Variants in SYPL2 observed in about 807,000 individuals in gnomAD.
SYPL2 encodes the protein synaptophysin like 2, also known as synaptophysin-like protein 2.
Under a neutral mutation model 31.3 loss-of-function variants are expected in SYPL2, and 24 were observed. The observed-to-expected ratio is 0.77, with a 90% CI of 0.56 to 1.08. The LOEUF is 1.08. Among genes scored for constraint, SYPL2 ranks in the 50% least tolerant of loss-of-function variants. SYPL2 has a pLI of 0.00. For synonymous variants in SYPL2, 144 were observed against 143.1 expected (o/e 1.01, Z -0.05); for missense variants, 342 against 360.1 (o/e 0.95, Z 0.41).
intron 2 of SYPL2, among the ~76,000 whole-genome samples, chr1:109,475,011 G>A (rs1655951901): frequency 6.6e-6 from 1 of 152,236 alleles, no homozygotes; most frequent in African/African-American, 2.4e-5. Flanking sequence ...TGGCCCATCT[G>A]GGGTGGCTTG....
chr1:109,474,352 G>T (rs1245507779), intron 2 of SYPL2, among the ~76,000 whole-genome samples: 1 of 144,824 alleles, frequency 6.9e-6, no homozygotes, highest in African/African-American at 2.6e-5. Flanking sequence ...GCGGTGGGCG[G>T]GAGAGGGACA....
At chr1:109,466,985 A>G in intron 1 of SYPL2, 74 bp from the exon 2 acceptor site, 2 of 1,536,460 alleles carry the variant, frequency 1.3e-6, no homozygotes. Context: ...ACCGCGTGTG[A>G]GTGGGGCAAG....
Position 109,466,903 on chromosome 1 carries a change from C to G in SYPL2, c.54+6C>G. 1 of 1,530,608 alleles carries G rather than the reference C, an allele frequency of 6.5e-7. No individual in the cohort carries two copies. The highest frequency in any genetic ancestry group is 1.7e-4 in the Middle Eastern group (1 of 5,960). 94.8% of individuals were successfully genotyped at this position (1,530,608 alleles called of 1,614,324 possible). ...ACAAGTCGCCGCGCCAGCAGGTAGT[C>G]CCTGCGCGCCCAGGACTCTCACCCG... On this transcript the variant is annotated splice_donor_region_variant and intron_variant, in intron 1 of 5. Coordinates refer to ENST00000369872, the MANE Select transcript of SYPL2 (RefSeq NM_001040709.2).
In SYPL2 at chr1:109,479,536, G is replaced by A; in HGVS notation, c.807G>A (p.Val269=). 6.2e-7 allele frequency: 1 copy of A among 1,613,428 alleles called. No individual in the cohort carries two copies. Residue 269 remains valine (V), a synonymous_variant, in exon 6 of 6, where the codon GTG becomes GTA. Transcript: ENST00000369872. ...SQESAAEQGA[V]EKQ Reference sequence around the variant, plus strand: ...AGAGTGCAGCTGAGCAGGGAGCAGTGGAGAAGCAGTAAGCAGCCCCCCACC... The same window carrying A: ...AGAGTGCAGCTGAGCAGGGAGCAGTAGAGAAGCAGTAAGCAGCCCCCCACC...
chr1:109,471,872 A>T (rs1389101863), intron 2 of SYPL2, among the ~76,000 whole-genome samples: 1 of 148,948 alleles, frequency 6.7e-6, no homozygotes, highest in African/African-American at 2.5e-5. Context: ...ATGCCCGACT[A>T]CTTTTTTTTT....
At position 109,479,692 on chromosome 1, in the gene SYPL2, C is replaced by A; in HGVS notation, c.*144C>A. On this transcript the variant is annotated 3_prime_UTR_variant, in exon 6 of 6. Coordinates refer to ENST00000369872, the MANE Select transcript of SYPL2 (RefSeq NM_001040709.2). ...CTTTGAGACGATGGGCAGGCATCAG[C>A]TGTTGGAAACCTGGGCAGCCCTCTC... 7.5e-7 allele frequency: 1 copy of A among 1,333,744 alleles called. No individual in the cohort carries two copies. Among genetic ancestry groups the A allele is most frequent in the Admixed American group, 2.4e-5 (1 of 41,762 alleles). The allele number at this position is 1,333,744 out of a possible 1,614,324, so 82.6% of individuals were successfully genotyped here.
chr1:109,481,375 C>G lies in SYPL2; in HGVS notation c.*1827C>G, dbSNP rs1449954925. The G allele has an allele frequency of 6.6e-6, 1 of 152,578 alleles. No homozygotes were observed. The highest frequency in any genetic ancestry group is 1.5e-5 in the Non-Finnish European group (1 of 68,040). 9.5% of individuals were successfully genotyped at this position (152,578 alleles called of 1,614,324 possible). A position where few individuals can be genotyped will look rare whatever the true frequency, so the allele number is the denominator to read the frequency against. On this transcript the variant is annotated 3_prime_UTR_variant, in exon 6 of 6. Coordinates refer to ENST00000369872, the MANE Select transcript of SYPL2 (RefSeq NM_001040709.2). ...ATGGTTACTCAAGGACAAGGGGGGA[C>G]AGTTTTGCCTACAGCTCCAGAGACA...
Position 109,479,593 on chromosome 1 carries a change from A to G in SYPL2, c.*45A>G, listed in dbSNP as rs1656107239. ...TTCCCGAACTGGACAGCACCTCTTC[A>G]ACCACCTCCGGCTTCCAGGACCTTT... is the stretch of plus-strand genomic sequence containing the variant. On this transcript the variant is annotated 3_prime_UTR_variant, in exon 6 of 6. Transcript: ENST00000369872. 1.3e-6 allele frequency: 2 copies of G among 1,587,702 alleles called. No individual in the cohort carries two copies. The highest frequency in any genetic ancestry group is 2.3e-5 in the East Asian group (1 of 44,218).
intron 2 of SYPL2, among the ~76,000 whole-genome samples, chr1:109,470,125 C>A (rs531040423): frequency 6.6e-6 from 1 of 152,140 alleles, no homozygotes; most frequent in Non-Finnish European, 1.5e-5. Context: ...GTATCTGGGA[C>A]CAAAGGCACA....
intron 2 of SYPL2, among the ~76,000 whole-genome samples, chr1:109,467,638 C>G (rs781255283): frequency 1.9e-4 from 29 of 152,056 alleles, no homozygotes; most frequent in Non-Finnish European, 3.4e-4. Context: ...CTCGGCTCGC[C>G]GTTCCCTTTT....
chr1:109,474,428 C>G lies in SYPL2; in HGVS notation c.130-1153C>G, dbSNP rs1177996532. Among the ~76,000 whole-genome samples, 3 of 151,076 alleles carry G rather than the reference C, an allele frequency of 2.0e-5. No individual in the cohort carries two copies. In the East Asian group the frequency reaches 5.8e-4, roughly 29 times the overall value. ...TCTCGGCTCACTGCAACCTCCGCCTCCCGGGTTCAAGTGATTCTCCTGCCT... is the reference window on the plus strand; with the variant it reads ...TCTCGGCTCACTGCAACCTCCGCCTGCCGGGTTCAAGTGATTCTCCTGCCT... On this transcript the variant is annotated intron_variant, in intron 2 of 5. Transcript: ENST00000369872.
rs1656124660 is a variant in SYPL2 at position 109,480,245 on chromosome 1, G to C, written c.*697G>C. Reference sequence around the variant, plus strand: ...GCAACTGAGTTGCAGCTTCAAGAAAGTAAAGCCAGTAAGCTTGCTGGCAGA... The same window carrying C: ...GCAACTGAGTTGCAGCTTCAAGAAACTAAAGCCAGTAAGCTTGCTGGCAGA... On this transcript the variant is annotated 3_prime_UTR_variant, in exon 6 of 6. Coordinates refer to ENST00000369872, the MANE Select transcript of SYPL2 (RefSeq NM_001040709.2). 2 of 152,182 alleles carry C rather than the reference G, an allele frequency of 1.3e-5. No individual in the cohort carries two copies. The highest frequency in any genetic ancestry group is 2.9e-5 in the Non-Finnish European group (2 of 68,040). 9.4% of individuals were successfully genotyped at this position (152,182 alleles called of 1,614,324 possible).
At position 109,478,164 on chromosome 1, in the gene SYPL2, C is replaced by G; in HGVS notation, c.648+155C>G. The stretch of plus-strand genomic sequence containing the variant: ...CACTGCGCTTCATGCTGGCTGCTGG[C>G]TCCTGGCTGACCCTGAGAGGACATT... On this transcript the variant is annotated intron_variant, in intron 5 of 5. Transcript: ENST00000369872. The surrounding 1 kb of genome is among the most constrained non-coding windows in gnomAD (Gnocchi z 4.0). 7.0e-7 allele frequency: 1 copy of G among 1,429,032 alleles called. No homozygotes were observed. The highest frequency in any genetic ancestry group is 9.2e-7 in the Non-Finnish European group (1 of 1,092,576). The allele number at this position is 1,429,032 out of a possible 1,614,324, so 88.5% of individuals were successfully genotyped here.
intron 4 of SYPL2, 127 bp from the exon 5 acceptor site, chr1:109,477,691 T>G: frequency 2.9e-6 from 4 of 1,362,912 alleles, no homozygotes; most frequent in Non-Finnish European, 3.9e-6. Flanking sequence ...GTTCTAGGTG[T>G]TGGGTAGGAT....
intron 2 of SYPL2, 136 bp downstream of exon 2, chr1:109,467,269 G>A: frequency 1.6e-6 from 1 of 629,056 alleles, no homozygotes; most frequent in South Asian, 2.0e-5. Context: ...GGCGACAGGT[G>A]GGCGGGGGAG....
Position 109,478,006 on chromosome 1 carries a change from C to CGTGGTGAG in SYPL2, c.646_648+5dup. ...CCTCTATGGGCCTGGCCAACATCTCCGTGGTGAGACCTGTGGCCACTGCAG... is the reference window on the plus strand; with the variant it reads ...CCTCTATGGGCCTGGCCAACATCTCCGTGGTGAGGTGGTGAGACCTGTGGCCACTGCAG... On this transcript the variant is annotated frameshift_variant, in exon 5 of 6. Coordinates refer to ENST00000369872, the MANE Select transcript of SYPL2 (RefSeq NM_001040709.2). LOFTEE classifies it high-confidence loss of function. This position sits in a 1 kb window ranked among gnomAD's most constrained non-coding sequence, Gnocchi z 4.0. 6.2e-7 allele frequency: 1 copy of CGTGGTGAG among 1,614,016 alleles called. No homozygotes were observed. Among genetic ancestry groups the CGTGGTGAG allele is most frequent in the East Asian group, 2.2e-5 (1 of 44,876 alleles).
chr1:109,479,007 A>C (rs1012876384), intron 5 of SYPL2, among the ~76,000 whole-genome samples: 1 of 152,252 alleles, frequency 6.6e-6, no homozygotes, highest in African/African-American at 2.4e-5. Flanking sequence ...AGCTCCTGCC[A>C]CACCTACCTG....
chr1:109,470,557 G>T (rs556666056), intron 2 of SYPL2, among the ~76,000 whole-genome samples: 1 of 152,332 alleles, frequency 6.6e-6, no homozygotes, highest in African/African-American at 2.4e-5. Flanking sequence ...GAGAAAGGCT[G>T]GTTGGCACCA....
intron 2 of SYPL2, among the ~76,000 whole-genome samples, chr1:109,469,383 T>A (rs182882294): frequency 3.5e-5 from 5 of 144,260 alleles, no homozygotes; most frequent in African/African-American, 1.3e-4. Context: ...TTTTTTTTTT[T>A]AATTGAGAAA....
Sources: allele counts gnomAD v4.1 joint callset (sites outside exome capture counted in the v4.1 genomes callset), GRCh38; gene constraint gnomAD v4.1.1; non-coding constraint Gnocchi (gnomAD v3.1); transcripts MANE v1.5; gene names NCBI Gene and HGNC (gene_info 2026-07-23, HGNC 2026-07-21).